SEPTIN11: variants seen among roughly 807,000 people sequenced by gnomAD.
The protein encoded by SEPTIN11 is septin-11.
In SEPTIN11, 25 loss-of-function variants were observed where a neutral mutation model predicts 51.4. The observed-to-expected ratio is 0.49, with a 90% CI of 0.35 to 0.68. The LOEUF is 0.68. SEPTIN11 is among the 30% of genes least tolerant of loss of function. The pLI, the probability that SEPTIN11 is intolerant of heterozygous loss-of-function variation, is 0.00. For synonymous variants in SEPTIN11, 174 were observed against 184.1 expected (o/e 0.95, Z 0.44); for missense variants, 381 against 520.8 (o/e 0.73, Z 2.61).
chr4:77,006,959 G>T (rs190003973), intron 3 of SEPTIN11, among the ~76,000 whole-genome samples: 2 of 152,120 alleles, frequency 1.3e-5, no homozygotes, highest in Non-Finnish European at 2.9e-5. Context: ...ACATTGTCCC[G>T]TGATAACAGG....
At chr4:77,006,244 T>C (rs1487842285) in intron 3 of SEPTIN11, among the ~76,000 whole-genome samples, 1 of 152,148 alleles carries the variant, frequency 6.6e-6, no homozygotes, top group Non-Finnish European at 1.5e-5. Context: ...CTGCCCCAGG[T>C]AATCAAATGC....
Position 77,036,299 on chromosome 4 carries a change from T to C in SEPTIN11, c.*1787T>C. 1 of 1,019,080 alleles carries C rather than the reference T, an allele frequency of 9.8e-7. No homozygotes were observed. Among genetic ancestry groups the C allele is most frequent in the African/African-American group, 1.7e-5 (1 of 57,524 alleles). The allele number at this position is 1,019,080 out of a possible 1,614,324, so 63.1% of individuals were successfully genotyped here. On this transcript the variant is annotated 3_prime_UTR_variant, in exon 10 of 10. Coordinates refer to ENST00000264893, the MANE Select transcript of SEPTIN11 (RefSeq NM_018243.4). Reference sequence around the variant, plus strand: ...CTTTTGTTTTTTTAAATAATTCTAGTCTGGAGCTAACTGTGGAGCAGCCAA... The same window carrying C: ...CTTTTGTTTTTTTAAATAATTCTAGCCTGGAGCTAACTGTGGAGCAGCCAA...
rs192586625 is a variant in SEPTIN11 at position 77,018,888 on chromosome 4, T to C, written c.688-277T>C. ...GTATTTCAGGTGCTCAACAGTCACA[T>C]ATAGTTAGTGGCTACTGCATCGGCT... On this transcript the variant is annotated intron_variant, in intron 5 of 9. Transcript: ENST00000264893. Among the ~76,000 whole-genome samples the C allele has an allele frequency of 2.6e-3, 391 of 152,368 alleles. 1 individual carries two copies. Among genetic ancestry groups the C allele is most frequent in the African/African-American group, 8.8e-3 (365 of 41,590 alleles).
At chr4:76,956,080 A>G (rs1721545379) in intron 1 of SEPTIN11, among the ~76,000 whole-genome samples, 1 of 152,182 alleles carries the variant, frequency 6.6e-6, no homozygotes, top group Non-Finnish European at 1.5e-5. Context: ...TGTTTTAGTT[A>G]TCTCATCTCT....
Position 77,005,892 on chromosome 4 carries a change from A to G in SEPTIN11, c.338+96A>G, listed in dbSNP as rs374784705. 113 of 1,168,146 alleles carry G rather than the reference A, an allele frequency of 9.7e-5. No homozygotes were observed. The East Asian group carries it at 2.3e-3, about 24-fold the overall frequency. 72.4% of individuals were successfully genotyped at this position (1,168,146 alleles called of 1,614,324 possible). On this transcript the variant is annotated intron_variant, in intron 3 of 9. Transcript: ENST00000264893. The stretch of plus-strand genomic sequence containing the variant: ...AGGCCAAATGTTTTGGGGATTTTTT[A>G]GTTGTGGGGCTTGGTCCTCTATTGC...
intron 1 of SEPTIN11, among the ~76,000 whole-genome samples, chr4:76,953,214 C>T (rs1721416191): frequency 6.6e-6 from 1 of 152,158 alleles, no homozygotes; most frequent in Non-Finnish European, 1.5e-5. Flanking sequence ...TATTAAGCAC[C>T]TGCTATGTGT....
At chr4:77,028,824 C>T (rs572019752) in intron 8 of SEPTIN11, 63 bp downstream of exon 8, 44 of 1,538,546 alleles carry the variant, frequency 2.9e-5, no homozygotes, top group East Asian at 9.2e-5. Context: ...AAATACATCA[C>T]GCTTTAGAGG....
intron 5 of SEPTIN11, 24 bp from the exon 6 acceptor site, chr4:77,019,141 A>G (rs1367480276): frequency 6.2e-7 from 1 of 1,603,058 alleles, no homozygotes; most frequent in Non-Finnish European, 8.5e-7. Context: ...GAAAGTAACT[A>G]TTCTCTGTCC....
intron 1 of SEPTIN11, among the ~76,000 whole-genome samples, chr4:76,979,751 G>A (rs915177123): frequency 6.6e-6 from 1 of 151,924 alleles, no homozygotes; most frequent in African/African-American, 2.4e-5. Flanking sequence ...CGAGCGTGCT[G>A]GTGGGCGCCT....
Position 77,014,868 on chromosome 4 carries a change from C to T in SEPTIN11, c.538C>T (p.Pro180Ser). ...GTCTGTTTTACAGGTGAACATCATT[C>T]CAATAATTGCAAAAGCTGACACCAT... is the stretch of plus-strand genomic sequence containing the variant. Reference protein sequence around the residue: ...KKLDSKVNIIPIIAKADTIAK... With the variant: ...KKLDSKVNIISIIAKADTIAK... The change falls in exon 5 of 10, where the codon CCA (proline) becomes TCA (serine). Residue 180 changes from proline (P) to serine (S), a missense_variant. Physicochemically the swap from Pro to Ser is moderately conservative, Grantham distance 74 (BLOSUM62 -1). Transcript: ENST00000264893. 6.2e-7 allele frequency: 1 copy of T among 1,613,678 alleles called. No individual in the cohort carries two copies. The highest frequency in any genetic ancestry group is 8.5e-7 in the Non-Finnish European group (1 of 1,179,852).
At chr4:77,002,472 A>G (rs1338278531) in intron 2 of SEPTIN11, among the ~76,000 whole-genome samples, 1 of 152,222 alleles carries the variant, frequency 6.6e-6, no homozygotes, top group Non-Finnish European at 1.5e-5. Context: ...CCCATGAAGG[A>G]GAAACTTTTA....
In SEPTIN11 at chr4:77,036,067, A is replaced by AT. The variant is rs1488540072; in HGVS notation, c.*1561dup. ...AGTCTCCATTTTGATTTCAGCAAAG[A>AT]TTTTTTCTCCTTTTCTTTGTCCTCA... On this transcript the variant is annotated 3_prime_UTR_variant, in exon 10 of 10. Coordinates refer to ENST00000264893, the MANE Select transcript of SEPTIN11 (RefSeq NM_018243.4). 15 of 985,776 alleles carry AT rather than the reference A, an allele frequency of 1.5e-5. No homozygotes were observed. The highest frequency in any genetic ancestry group is 1.7e-5 in the Non-Finnish European group (14 of 829,992). The allele number at this position is 985,776 out of a possible 1,614,324, so 61.1% of individuals were successfully genotyped here.
At position 77,038,502 on chromosome 4, in the gene SEPTIN11, T is replaced by C. The variant is rs1182792225; in HGVS notation, c.*3990T>C. 2.6e-5 allele frequency: 26 copies of C among 986,038 alleles called. No individual in the cohort carries two copies. The South Asian group carries it at 9.4e-4, about 36-fold the overall frequency. 61.1% of individuals were successfully genotyped at this position (986,038 alleles called of 1,614,324 possible). ...ATATGAAAGTGATCACTTAGCAACA[T>C]GCTTGGTAATTTGGCATCTGTTAAG... On this transcript the variant is annotated 3_prime_UTR_variant, in exon 10 of 10. Transcript: ENST00000264893.
chr4:77,005,783 A>C lies in SEPTIN11; in HGVS notation c.325A>C (p.Asn109His), dbSNP rs1292551449. ...CACCGTGGGATTTGGAGACCAGATA[A>C]ATAAAGATGACAGGTACATCTTGGG... ...VDTVGFGDQI[N>H]KDDSYKPIVE... The change falls in exon 3 of 10, where the codon AAT (asparagine) becomes CAT (histidine). Residue 109 changes from asparagine to histidine, a missense_variant. Asn to His is a moderately conservative substitution (Grantham distance 68). Transcript: ENST00000264893. The C allele has an allele frequency of 3.7e-6, 6 of 1,613,686 alleles. No individual in the cohort carries two copies. The highest frequency in any genetic ancestry group is 1.1e-5 in the South Asian group (1 of 90,994).
chr4:76,949,787 G>A lies in SEPTIN11; in HGVS notation c.-117G>A. The A allele has an allele frequency of 8.7e-7, 1 of 1,148,874 alleles. No homozygotes were observed. The highest frequency in any genetic ancestry group is 1.2e-6 in the Non-Finnish European group (1 of 827,816). The allele number at this position is 1,148,874 out of a possible 1,614,324, so 71.2% of individuals were successfully genotyped here. A position where few individuals can be genotyped will look rare whatever the true frequency, so the allele number is the denominator to read the frequency against. The stretch of plus-strand genomic sequence containing the variant: ...CGCTGGCTGCCAGCGGGACGCCGGC[G>A]AGCAGAGCGCAGCCGCGAGGGAGGC... On this transcript the variant is annotated 5_prime_UTR_variant, in exon 1 of 10. Transcript: ENST00000264893.
At chr4:76,967,414 T>C (rs7683005) in intron 1 of SEPTIN11, among the ~76,000 whole-genome samples, 98,154 of 151,958 alleles carry the variant, frequency 0.65, 31,872 homozygotes, top group African/African-American at 0.69. Context: ...TTATTTAGCT[T>C]ATTTATTTGA....
At chr4:76,961,968 T>A (rs1204424865) in intron 1 of SEPTIN11, among the ~76,000 whole-genome samples, 1 of 152,230 alleles carries the variant, frequency 6.6e-6, no homozygotes, top group East Asian at 1.9e-4. Flanking sequence ...CTATGAAATA[T>A]AAGTGCAAAA....
intron 3 of SEPTIN11, among the ~76,000 whole-genome samples, chr4:77,008,430 G>A (rs1333141739): frequency 1.3e-5 from 2 of 152,182 alleles, no homozygotes; most frequent in East Asian, 3.9e-4. Context: ...GGACTGTTTG[G>A]CCTTTAAATT....
intron 1 of SEPTIN11, chr4:76,958,797 A>G (rs1721674729): frequency 1.9e-6 from 2 of 1,070,782 alleles, no homozygotes; most frequent in Non-Finnish European, 2.7e-6. Context: ...GTTTTTTGTA[A>G]ATTAAAAAAA....
Sources: allele counts gnomAD v4.1 joint callset (sites outside exome capture counted in the v4.1 genomes callset), GRCh38; gene constraint gnomAD v4.1.1; transcripts MANE v1.5; gene names NCBI Gene and HGNC (gene_info 2026-07-23, HGNC 2026-07-21).